IGSF21: variants seen among roughly 807,000 people sequenced by gnomAD.
The protein encoded by IGSF21 is immunoglobulin superfamily member 21.
In IGSF21, 28 loss-of-function variants were observed where a neutral mutation model predicts 46.8. That is an observed-to-expected ratio of 0.60 (90% confidence interval 0.44 to 0.82). IGSF21 has a LOEUF of 0.82. Among genes scored for constraint, IGSF21 ranks in the 40% least tolerant of loss-of-function variants. The probability of loss-of-function intolerance (pLI) is 0.00; values close to 1 mark genes in which losing one functional copy is unlikely to be tolerated. For synonymous variants in IGSF21, 284 were observed against 273.6 expected (o/e 1.04, Z -0.38); for missense variants, 624 against 665.5 (o/e 0.94, Z 0.69).
At chr1:18,220,175 A>T in intron 1 of IGSF21, among the ~76,000 whole-genome samples, 1 of 152,044 alleles carries the variant, frequency 6.6e-6, no homozygotes, top group East Asian at 1.9e-4. Flanking sequence ...CTCCCTTACC[A>T]CCGTGCTGTC....
At chr1:18,356,196 G>A (rs926155293) in intron 4 of IGSF21, among the ~76,000 whole-genome samples, 6 of 152,216 alleles carry the variant, frequency 3.9e-5, no homozygotes, top group East Asian at 1.9e-4. Context: ...AGCAAAATAT[G>A]CCTGCTTGGT....
chr1:18,144,435 C>T (rs11586718), intron 1 of IGSF21, among the ~76,000 whole-genome samples: 8,818 of 152,260 alleles, frequency 0.058, 354 homozygotes, highest in African/African-American at 0.095. Context: ...GCTGCCTGTG[C>T]CTGAAGCAGC....
intron 1 of IGSF21, among the ~76,000 whole-genome samples, chr1:18,153,534 G>C (rs1184777289): frequency 6.6e-6 from 1 of 152,142 alleles, no homozygotes; most frequent in Non-Finnish European, 1.5e-5. Context: ...CACAGTCACT[G>C]CTCATAAAAC....
chr1:18,365,674 C>T lies in IGSF21; in HGVS notation c.992C>T (p.Pro331Leu). 1.9e-6 allele frequency: 3 copies of T among 1,613,386 alleles called. No individual in the cohort carries two copies. Among genetic ancestry groups the T allele is most frequent in the Non-Finnish European group, 2.5e-6 (3 of 1,179,498 alleles). Residue 331 changes from proline to leucine, a missense_variant, in exon 6 of 10, where the codon CCC becomes CTC. Physicochemically the swap from Pro to Leu is moderately conservative, Grantham distance 98. Coordinates refer to ENST00000251296, the MANE Select transcript of IGSF21 (RefSeq NM_032880.5). This position sits in a 1 kb window ranked among gnomAD's most constrained non-coding sequence, Gnocchi z 4.8. The stretch of plus-strand genomic sequence containing the variant: ...GTCAAGCACCCAGCTCTGTCGATGC[C>T]CATGCAGGCAGAGGTCACGCTGGGT... Reference protein sequence around the residue: ...CEVKHPALSMPMQAEVTLVAP... With the variant: ...CEVKHPALSMLMQAEVTLVAP...
intron 1 of IGSF21, chr1:18,179,468 A>G (rs2086835791): frequency 6.6e-6 from 1 of 152,226 alleles, no homozygotes; most frequent in Non-Finnish European, 1.5e-5. Context: ...TTTTATGACC[A>G]CATTGGAATA....
chr1:18,335,468 T>G lies in IGSF21; in HGVS notation c.424+458T>G, dbSNP rs2085757285. On this transcript the variant is annotated intron_variant, in intron 4 of 9. Coordinates refer to ENST00000251296, the MANE Select transcript of IGSF21 (RefSeq NM_032880.5). The surrounding 1 kb of genome is among the most constrained non-coding windows in gnomAD (Gnocchi z 4.8). ...CTCACCCTCTCCCCATGCCTCCATT[T>G]ATGCACATGTAAAATGGAGGTAATA... is the stretch of plus-strand genomic sequence containing the variant. Among the ~76,000 whole-genome samples the G allele has an allele frequency of 6.6e-6, 1 of 152,204 alleles. No individual in the cohort carries two copies. The highest frequency in any genetic ancestry group is 1.5e-5 in the Non-Finnish European group (1 of 68,036).
intron 1 of IGSF21, among the ~76,000 whole-genome samples, chr1:18,160,534 G>A (rs1473519361): frequency 1.3e-5 from 2 of 151,972 alleles, no homozygotes; most frequent in African/African-American, 4.8e-5. Context: ...TTCTAGCTGG[G>A]CGAACTTGTG....
chr1:18,378,459 AAAAC>A lies in IGSF21; in HGVS notation c.*139_*142del, dbSNP rs2086309624. The A allele has an allele frequency of 1.3e-6, 1 of 752,060 alleles. No homozygotes were observed. The highest frequency in any genetic ancestry group is 2.2e-6 in the Non-Finnish European group (1 of 464,876). The allele number at this position is 752,060 out of a possible 1,614,324, so 46.6% of individuals were successfully genotyped here. A position where few individuals can be genotyped will look rare whatever the true frequency, so the allele number is the denominator to read the frequency against. ...CTTGGCTTCTTCAGTCGGTTTAATTAAAACAAACAGAACAATTTTCCCCACCTCG... is the reference window on the plus strand; with the variant it reads ...CTTGGCTTCTTCAGTCGGTTTAATTAAAACAGAACAATTTTCCCCACCTCG... On this transcript the variant is annotated 3_prime_UTR_variant, in exon 10 of 10. Transcript: ENST00000251296.
At chr1:18,375,237 G>A (rs12078718) in intron 6 of IGSF21, among the ~76,000 whole-genome samples, 3,969 of 152,272 alleles carry the variant, frequency 0.026, 177 homozygotes, top group African/African-American at 0.088. Context: ...AGCAGGCACT[G>A]GGTCTTGTTC....
intron 2 of IGSF21, among the ~76,000 whole-genome samples, chr1:18,260,182 G>A (rs1005619601): frequency 1.3e-5 from 2 of 152,246 alleles, no homozygotes; most frequent in African/African-American, 4.8e-5. Flanking sequence ...TGTGGAGAGG[G>A]GCAAACAGGA....
intron 1 of IGSF21, among the ~76,000 whole-genome samples, chr1:18,197,213 T>C (rs2087018484): frequency 6.6e-6 from 1 of 152,164 alleles, no homozygotes; most frequent in African/African-American, 2.4e-5. Flanking sequence ...CACAAGGTCA[T>C]GGGCGGGCAA....
intron 1 of IGSF21, among the ~76,000 whole-genome samples, chr1:18,149,147 A>G (rs1356629038): frequency 4.6e-5 from 7 of 152,004 alleles, no homozygotes; most frequent in African/African-American, 1.7e-4. Flanking sequence ...CGTGTCACTG[A>G]CATGTGTGCC....
intron 4 of IGSF21, among the ~76,000 whole-genome samples, chr1:18,357,938 T>C (rs1268537298): frequency 1.3e-5 from 2 of 152,150 alleles, no homozygotes; most frequent in Non-Finnish European, 2.9e-5. Context: ...ATGAGCTTGA[T>C]TAACTGTACA....
chr1:18,260,207 G>T (rs1287911298), intron 2 of IGSF21, among the ~76,000 whole-genome samples: 1 of 152,236 alleles, frequency 6.6e-6, no homozygotes, highest in African/African-American at 2.4e-5. Context: ...CACTGAGGAT[G>T]GTCCGAGGAG....
chr1:18,194,395 T>C (rs1218320396), intron 1 of IGSF21, among the ~76,000 whole-genome samples: 1 of 152,170 alleles, frequency 6.6e-6, no homozygotes, highest in African/African-American at 2.4e-5. Context: ...AACAGAAATG[T>C]ATTCCTTTGA....
intron 4 of IGSF21, among the ~76,000 whole-genome samples, chr1:18,341,947 C>T (rs2085845760): frequency 6.6e-6 from 1 of 152,160 alleles, no homozygotes; most frequent in African/African-American, 2.4e-5. Context: ...ACAGCTTCCA[C>T]CCCAAAGAAC....
chr1:18,305,578 T>TGG (rs1557635311), intron 3 of IGSF21, among the ~76,000 whole-genome samples: 3 of 47,764 alleles, frequency 6.3e-5, no homozygotes, highest in Non-Finnish European at 1.7e-4. Flanking sequence ...ATGGATGGAT[T>TGG]ATGGATGGAT....
At chr1:18,187,349 A>G (rs2086913719) in intron 1 of IGSF21, among the ~76,000 whole-genome samples, 1 of 152,214 alleles carries the variant, frequency 6.6e-6, no homozygotes, top group South Asian at 2.1e-4. Flanking sequence ...GCTGATAAAG[A>G]CATACTCAAG....
chr1:18,187,790 G>C (rs1038587367), intron 1 of IGSF21, among the ~76,000 whole-genome samples: 2 of 152,044 alleles, frequency 1.3e-5, no homozygotes, highest in African/African-American at 4.8e-5. Flanking sequence ...ATTTTTTCTG[G>C]GGGGGTGGGG....
Sources: gnomAD v4.1 joint callset for allele counts (sites outside exome capture counted in the v4.1 genomes callset) on GRCh38, gnomAD v4.1.1 for gene constraint, Gnocchi (gnomAD v3.1) non-coding constraint, MANE v1.5 for transcripts, NCBI Gene and HGNC (gene_info 2026-07-23, HGNC 2026-07-21) for gene names.